TEX36: variants seen among roughly 807,000 people sequenced by gnomAD.
The protein encoded by TEX36 is testis-expressed protein 36.
A neutral mutation model predicts 13.6 loss-of-function variants in TEX36; 12 were observed. The observed-to-expected ratio is 0.88, with a 90% CI of 0.56 to 1.43. The LOEUF is 1.43. TEX36 is among the 40% of genes most tolerant of loss of function. The pLI, the probability that TEX36 is intolerant of heterozygous loss-of-function variation, is 0.00. For synonymous variants in TEX36, 93 were observed against 83.0 expected, an observed-to-expected ratio of 1.12 and a Z score of -0.65; for missense variants, 224 against 228.3, an observed-to-expected ratio of 0.98 and a Z score of 0.12.
rs781542332 is a variant in TEX36, at chr10:125,656,186, C to A, written c.275G>T (p.Arg92Leu). 1 of 1,497,380 alleles carries A rather than the reference C, an allele frequency of 6.7e-7. No individual in the cohort carries two copies. Among genetic ancestry groups the A allele is most frequent in the South Asian group, 1.3e-5 (1 of 77,322 alleles). The allele number at this position is 1,497,380 out of a possible 1,614,324, so 92.8% of individuals were successfully genotyped here. The change falls in exon 4 of 4, where the codon CGT (arginine) becomes CTT (leucine). Residue 92 changes from arginine to leucine, a missense_variant. Coordinates refer to ENST00000368821, the MANE Select transcript of TEX36 (RefSeq NM_001128202.3). ...SGCYLDSGLG[R>L]KKISPDKRQH... The stretch of plus-strand genomic sequence containing the variant: ...CCTCTTATCTGGAGAGATCTTCTTA[C>A]GTCCCAGGCCCTGGAGAGAAGAATT...
At chr10:125,632,548 C>T (rs1035143382) in intron 3 of TEX36, among the ~76,000 whole-genome samples, 1 of 152,112 alleles carries the variant, frequency 6.6e-6, no homozygotes, top group African/African-American at 2.4e-5. Flanking sequence ...GAAGAGGGCC[C>T]AGAGTGTAAC....
chr10:125,664,829 A>T (rs1263633419), intron 1 of TEX36, among the ~76,000 whole-genome samples: 1 of 152,096 alleles, frequency 6.6e-6, no homozygotes, highest in African/African-American at 2.4e-5. Context: ...TTACATTTCC[A>T]CCAGCAGTGT....
At chr10:125,605,663 G>T (rs903312878) in intron 3 of TEX36, among the ~76,000 whole-genome samples, 1 of 152,136 alleles carries the variant, frequency 6.6e-6, no homozygotes, top group Admixed American at 6.5e-5. Flanking sequence ...GCACAGTGGT[G>T]CCATCTCCGC....
intron 3 of TEX36, among the ~76,000 whole-genome samples, chr10:125,633,833 C>T (rs1026087234): frequency 2.0e-5 from 3 of 152,146 alleles, no homozygotes; most frequent in Admixed American, 6.6e-5. Context: ...TAAATGGACA[C>T]GGTTCTACGT....
At chr10:125,667,885 G>T (rs1589784720) in intron 1 of TEX36, 1 of 1,517,352 alleles carries the variant, frequency 6.6e-7, no homozygotes, top group Non-Finnish European at 9.1e-7. Context: ...GTGCCACGAT[G>T]CGGTGAGCGA....
At chr10:125,628,658 G>T (rs1005888603) in intron 3 of TEX36, among the ~76,000 whole-genome samples, 1 of 152,230 alleles carries the variant, frequency 6.6e-6, no homozygotes. Flanking sequence ...TCGTGCATGA[G>T]TATGCAGCTG....
chr10:125,594,100 T>C (rs929019441), intron 3 of TEX36, among the ~76,000 whole-genome samples: 2 of 152,072 alleles, frequency 1.3e-5, no homozygotes, highest in East Asian at 1.9e-4. Flanking sequence ...TCCCAAGACG[T>C]AGAAGGACCC....
downstream of TEX36, among the ~76,000 whole-genome samples, chr10:125,618,960 AAAAAAAAAAAATAC>A (rs1565175796): frequency 6.8e-6 from 1 of 146,574 alleles, no homozygotes; most frequent in African/African-American, 2.6e-5. Flanking sequence ...AAAAAAAAAA[AAAAAAAAAAAATAC>A]AAAAAATTAG....
chr10:125,598,269 G>T (rs1846105538), intron 3 of TEX36, among the ~76,000 whole-genome samples: 1 of 152,208 alleles, frequency 6.6e-6, no homozygotes, highest in Non-Finnish European at 1.5e-5. Flanking sequence ...GCTGGACCCT[G>T]CCCAGCTGTT....
At position 125,661,093 on chromosome 10, in the gene TEX36, C is replaced by A. The variant is rs1172892845; in HGVS notation, c.192G>T (p.Val64=). 3.2e-6 allele frequency: 5 copies of A among 1,551,896 alleles called. No homozygotes were observed. In the South Asian group the frequency reaches 5.9e-5, roughly 18 times the overall value. Residue 64 remains valine, a synonymous_variant, in exon 3 of 4, where the codon GTG becomes GTT. Transcript: ENST00000368821. ...PIYKVREKQA[V]NNQFPFSVHD... is the part of the protein sequence containing the mutation. ...GCACGGAGAAGGGGAACTGGTTATTCACTGCTTGCTGGAAAAGTGGGATGG... is the reference window on the plus strand; with the variant it reads ...GCACGGAGAAGGGGAACTGGTTATTAACTGCTTGCTGGAAAAGTGGGATGG...
chr10:125,650,992 G>A (rs1204603479), downstream of TEX36, among the ~76,000 whole-genome samples: 3 of 152,204 alleles, frequency 2.0e-5, no homozygotes, highest in Non-Finnish European at 4.4e-5. Flanking sequence ...TTCTGAAATT[G>A]AGGCAATAAT....
downstream of TEX36, among the ~76,000 whole-genome samples, chr10:125,620,940 T>C (rs1488786869): frequency 6.6e-6 from 1 of 152,196 alleles, no homozygotes; most frequent in South Asian, 2.1e-4. Context: ...TTATCCATGT[T>C]GTAGCATGTG....
intron 1 of TEX36, among the ~76,000 whole-genome samples, chr10:125,675,382 G>A (rs1260096393): frequency 1.3e-5 from 2 of 150,926 alleles, no homozygotes; most frequent in African/African-American, 2.4e-5. Context: ...CTCTCCTGGG[G>A]AGTTCAGTCG....
At chr10:125,619,253 G>A (rs902263105), downstream of TEX36, among the ~76,000 whole-genome samples, 1 of 152,144 alleles carries the variant, frequency 6.6e-6, no homozygotes, top group African/African-American at 2.4e-5. Context: ...ACCTATCACA[G>A]AAACAGAGCA....
At chr10:125,582,355 G>A (rs1845893636) in intron 3 of TEX36, among the ~76,000 whole-genome samples, 1 of 152,164 alleles carries the variant, frequency 6.6e-6, no homozygotes, top group African/African-American at 2.4e-5. Context: ...TTTCACAGAG[G>A]AGGAAGTTCA....
At chr10:125,639,173 AAC>A (rs1846654271) in intron 3 of TEX36, among the ~76,000 whole-genome samples, 1 of 152,264 alleles carries the variant, frequency 6.6e-6, no homozygotes, top group African/African-American at 2.4e-5. Flanking sequence ...GTACACAAGA[AAC>A]ACAATTCATA....
At chr10:125,640,052 G>A in intron 3 of TEX36, 1 of 538,770 alleles carries the variant, frequency 1.9e-6, no homozygotes, top group South Asian at 8.0e-5. Flanking sequence ...ATTCCGCTGT[G>A]GTCACTTATT....
chr10:125,636,493 C>A (rs1012779332), intron 3 of TEX36, among the ~76,000 whole-genome samples: 10 of 152,194 alleles, frequency 6.6e-5, no homozygotes, highest in Admixed American at 3.9e-4. Context: ...GGATTACGGG[C>A]GTGAGCCACC....
At chr10:125,659,609 A>G (rs1847000202) in intron 3 of TEX36, among the ~76,000 whole-genome samples, 1 of 152,220 alleles carries the variant, frequency 6.6e-6, no homozygotes, top group Non-Finnish European at 1.5e-5. Context: ...CTGCCAGAAG[A>G]AAACCAGATT....
Sources: gnomAD v4.1 joint callset for allele counts (sites outside exome capture counted in the v4.1 genomes callset) on GRCh38, gnomAD v4.1.1 for gene constraint, MANE v1.5 for transcripts, NCBI Gene and HGNC (gene_info 2026-07-23, HGNC 2026-07-21) for gene names.